The following ULK4 variants were observed in gnomAD, a reference collection of about 807,000 sequenced individuals.
ULK4 encodes the protein unc-51 like kinase 4.
ULK4 carries 133 observed loss-of-function variants against 160.6 expected under a neutral mutation model. That is an observed-to-expected ratio of 0.83 (90% CI 0.72 to 0.96). ULK4 has a LOEUF of 0.96. ULK4 is among the 40% of genes least tolerant of loss of function. The pLI is 0.00. For synonymous variants in ULK4, 534 were observed against 539.8 expected, an observed-to-expected ratio of 0.99 and a Z score of 0.15; for missense variants, 1,580 against 1,499.5, an observed-to-expected ratio of 1.05 and a Z score of -0.89.
chr3:41,350,106 C>T (rs1047000615), intron 35 of ULK4, among the ~76,000 whole-genome samples: 2 of 152,124 alleles, frequency 1.3e-5, no homozygotes, highest in African/African-American at 4.8e-5. Flanking sequence ...TGTAAACTTG[C>T]TATTCGTTAT....
intron 29 of ULK4, among the ~76,000 whole-genome samples, chr3:41,674,855 C>T (rs2035656207): frequency 6.6e-6 from 1 of 152,164 alleles, no homozygotes; most frequent in South Asian, 2.1e-4. Flanking sequence ...TACTGTAACC[C>T]TACAAATGCA....
intron 17 of ULK4, among the ~76,000 whole-genome samples, chr3:41,856,591 ATATATATATATGTG>A (rs2042365320): frequency 1.1e-4 from 7 of 66,214 alleles, no homozygotes; most frequent in Non-Finnish European, 1.9e-4. Context: ...ATATATACAC[ATATATATATATGTG>A]TATATATATA....
intron 4 of ULK4, 35 bp from the exon 5 acceptor site, chr3:41,932,041 A>T: frequency 1.9e-6 from 3 of 1,596,556 alleles, no homozygotes; most frequent in East Asian, 2.2e-5. Context: ...CAGAAAAAAA[A>T]TCAACTTAAT....
chr3:41,641,831 G>GT (rs1288212708), intron 30 of ULK4, among the ~76,000 whole-genome samples: 1 of 113,838 alleles, frequency 8.8e-6, no homozygotes, highest in Non-Finnish European at 1.6e-5. Context: ...TAAAATGCAA[G>GT]TAAAAAAAAA....
intron 35 of ULK4, among the ~76,000 whole-genome samples, chr3:41,370,209 G>A (rs1432270885): frequency 6.6e-6 from 1 of 151,794 alleles, no homozygotes; most frequent in South Asian, 2.1e-4. Context: ...AAAAAAAAAA[G>A]CAAGTGGCAT....
chr3:41,537,958 G>A (rs76798713), intron 32 of ULK4, among the ~76,000 whole-genome samples: 3,156 of 149,480 alleles, frequency 0.021, 107 homozygotes, highest in African/African-American at 0.073. Flanking sequence ...CATTTTCACC[G>A]GCATTAAAAA....
At chr3:41,558,230 T>C (rs969419544) in intron 32 of ULK4, among the ~76,000 whole-genome samples, 1 of 152,136 alleles carries the variant, frequency 6.6e-6, no homozygotes, top group Non-Finnish European at 1.5e-5. Context: ...ACTGAGGCTG[T>C]GGTTAAATAA....
At chr3:41,714,655 A>C (rs2037203299) in intron 25 of ULK4, among the ~76,000 whole-genome samples, 1 of 152,178 alleles carries the variant, frequency 6.6e-6, no homozygotes, top group Non-Finnish European at 1.5e-5. Context: ...ATAATGCAAT[A>C]ACTTTTCATT....
At chr3:41,573,111 T>C (rs2088061354) in intron 31 of ULK4, among the ~76,000 whole-genome samples, 1 of 152,232 alleles carries the variant, frequency 6.6e-6, no homozygotes, top group South Asian at 2.1e-4. Context: ...TTGATGGCTC[T>C]AATAAAACAC....
intron 34 of ULK4, among the ~76,000 whole-genome samples, chr3:41,421,046 G>A (rs753958542): frequency 1.6e-4 from 24 of 151,716 alleles, no homozygotes; most frequent in South Asian, 4.2e-4. Context: ...CCTGGGAGGC[G>A]GAGGTTGCAA....
chr3:41,420,426 G>C (rs938714826), intron 34 of ULK4, among the ~76,000 whole-genome samples: 1 of 147,314 alleles, frequency 6.8e-6, no homozygotes, highest in Non-Finnish European at 1.5e-5. Context: ...CATTTTATAG[G>C]ATGATTTCAC....
intron 16 of ULK4, among the ~76,000 whole-genome samples, chr3:41,884,633 G>C (rs1697652150): frequency 6.6e-6 from 1 of 152,136 alleles, no homozygotes; most frequent in Non-Finnish European, 1.5e-5. Context: ...AGTGATGTCT[G>C]CATGTTGTCT....
intron 35 of ULK4, among the ~76,000 whole-genome samples, chr3:41,314,203 T>C (rs7613809): frequency 0.18 from 26,837 of 152,154 alleles, 3,013 homozygotes; most frequent in African/African-American, 0.32. Flanking sequence ...TTGTTTTAAA[T>C]ATTTTTTAAA....
At chr3:41,591,728 G>A (rs1417220679) in intron 31 of ULK4, among the ~76,000 whole-genome samples, 3 of 152,174 alleles carry the variant, frequency 2.0e-5, no homozygotes, top group Non-Finnish European at 2.9e-5. Context: ...CACAACATAT[G>A]TATAAGTAAA....
At chr3:41,415,907 G>A (rs1052496296) in intron 34 of ULK4, among the ~76,000 whole-genome samples, 3 of 152,094 alleles carry the variant, frequency 2.0e-5, no homozygotes, top group East Asian at 3.8e-4. Flanking sequence ...CAAGTGATCC[G>A]GAGCAAAAGA....
At position 41,376,578 on chromosome 3, in the gene ULK4, T is replaced by C. The variant is rs527811431; in HGVS notation, c.3678+21501A>G. ...AATCACAAGCATTCTTATACACCAATAACAGACAAACAGAGAGCCAAATCA... is the reference window on the plus strand; with the variant it reads ...AATCACAAGCATTCTTATACACCAACAACAGACAAACAGAGAGCCAAATCA... On this transcript the variant is annotated intron_variant, in intron 35 of 36. Transcript: ENST00000301831. Among the ~76,000 whole-genome samples the C allele has an allele frequency of 1.8e-3, 272 of 149,546 alleles. 11 individuals carry two copies. Among genetic ancestry groups the C allele is most frequent in the Admixed American group, 0.015 (221 of 15,074 alleles).
chr3:41,470,465 T>C (rs772029410), intron 32 of ULK4, among the ~76,000 whole-genome samples: 6 of 152,138 alleles, frequency 3.9e-5, no homozygotes, highest in African/African-American at 1.4e-4. Context: ...CCTTACATGA[T>C]TGGCTAAAGA....
chr3:41,544,268 A>G (rs1313803605), intron 32 of ULK4, among the ~76,000 whole-genome samples: 6 of 152,204 alleles, frequency 3.9e-5, no homozygotes, highest in African/African-American at 1.4e-4. Context: ...GAGTCTGGCC[A>G]CAGAATGGTC....
At chr3:41,390,260 C>T (rs933250609) in intron 35 of ULK4, among the ~76,000 whole-genome samples, 2 of 152,096 alleles carry the variant, frequency 1.3e-5, no homozygotes, top group Non-Finnish European at 2.9e-5. Context: ...ATTCTTCTCT[C>T]TTTTCTTCTT....
Sources: gnomAD v4.1 joint callset for allele counts (sites outside exome capture counted in the v4.1 genomes callset) on GRCh38, gnomAD v4.1.1 for gene constraint, MANE v1.5 for transcripts, NCBI Gene and HGNC (gene_info 2026-07-23, HGNC 2026-07-21) for gene names.